The following MYO5B variants were observed in gnomAD, a reference collection of about 807,000 sequenced individuals.
The protein encoded by MYO5B is myosin VB, also known as unconventional myosin-Vb.
MYO5B carries 143 observed loss-of-function variants against 229.3 expected under a neutral mutation model. The ratio of observed to expected loss-of-function variants is 0.62; its 90% confidence interval spans 0.54 to 0.72. The LOEUF is 0.72. MYO5B is among the 30% of genes least tolerant of loss of function. MYO5B has a pLI of 0.00. For missense variants in MYO5B, 2,321 were observed against 2,331.0 expected (o/e 1.00, Z 0.09); for synonymous variants, 918 against 885.2 (o/e 1.04, Z -0.66).
chr18:50,132,268 C>A (rs892910696), intron 1 of MYO5B, among the ~76,000 whole-genome samples: 1 of 152,214 alleles, frequency 6.6e-6, no homozygotes, highest in Admixed American at 6.5e-5. Context: ...AGGAGCAGAG[C>A]ATAATGGTTA....
chr18:49,953,407 T>C, intron 13 of MYO5B, 64 bp from the exon 14 acceptor site: 1 of 1,403,286 alleles, frequency 7.1e-7, no homozygotes, highest in South Asian at 1.2e-5. Context: ...TCAACCACTT[T>C]CATCTCATCC....
At chr18:50,115,358 G>A (rs539888356) in intron 1 of MYO5B, among the ~76,000 whole-genome samples, 47 of 152,230 alleles carry the variant, frequency 3.1e-4, no homozygotes, top group African/African-American at 1.0e-3. Context: ...TCAATCTTAC[G>A]GCTAGACTTC....
At chr18:49,980,139 A>C (rs57494262) in intron 9 of MYO5B, among the ~76,000 whole-genome samples, 1 of 152,160 alleles carries the variant, frequency 6.6e-6, no homozygotes, top group African/African-American at 2.4e-5. Flanking sequence ...TGGCACTCAG[A>C]AAGTACTCAA....
intron 27 of MYO5B, among the ~76,000 whole-genome samples, chr18:49,870,764 T>A (rs776271512): frequency 3.1e-4 from 47 of 151,920 alleles, no homozygotes; most frequent in Non-Finnish European, 4.4e-4. Context: ...ATCAAAAAAA[T>A]AAATAAATAA....
At chr18:49,888,351 C>T (rs1023893873) in intron 22 of MYO5B, among the ~76,000 whole-genome samples, 2 of 152,108 alleles carry the variant, frequency 1.3e-5, no homozygotes, top group African/African-American at 4.8e-5. Flanking sequence ...TTGAGAATCA[C>T]TACAATAAGG....
At chr18:49,835,503 A>T in intron 38 of MYO5B, 79 bp from the exon 39 acceptor site, 1 of 896,960 alleles carries the variant, frequency 1.1e-6, no homozygotes. Context: ...AATATGTGAC[A>T]TTGGTACAAG....
intron 1 of MYO5B, among the ~76,000 whole-genome samples, chr18:50,114,382 C>A (rs1181451041): frequency 6.6e-6 from 1 of 152,158 alleles, no homozygotes; most frequent in East Asian, 1.9e-4. Flanking sequence ...CTTAAACTAA[C>A]TCTCAGCCTA....
chr18:49,886,777 G>A (rs962723794), intron 22 of MYO5B, among the ~76,000 whole-genome samples: 7 of 152,114 alleles, frequency 4.6e-5, no homozygotes, highest in African/African-American at 7.2e-5. Context: ...GAGTGACGAC[G>A]TTTTATCCGT....
intron 1 of MYO5B, among the ~76,000 whole-genome samples, chr18:50,116,488 T>C (rs1424201948): frequency 1.3e-5 from 2 of 152,134 alleles, no homozygotes; most frequent in Non-Finnish European, 2.9e-5. Context: ...ACTGGAATCA[T>C]TCCCCTCTGT....
intron 5 of MYO5B, among the ~76,000 whole-genome samples, chr18:50,000,345 A>C (rs1208990612): frequency 2.0e-5 from 3 of 152,150 alleles, no homozygotes; most frequent in Non-Finnish European, 4.4e-5. Flanking sequence ...GTGATGATAG[A>C]AGGGAACTGT....
At chr18:49,954,596 A>G (rs2025470715) in intron 12 of MYO5B, among the ~76,000 whole-genome samples, 161 bp from the exon 13 acceptor site, 1 of 152,166 alleles carries the variant, frequency 6.6e-6, no homozygotes, top group Non-Finnish European at 1.5e-5. Flanking sequence ...TCAACCATAC[A>G]TGTTCAGGAT....
intron 4 of MYO5B, among the ~76,000 whole-genome samples, chr18:50,032,201 GAT>G (rs2026397909): frequency 6.6e-6 from 1 of 152,090 alleles, no homozygotes; most frequent in Admixed American, 6.6e-5. Context: ...GCTTTATTAA[GAT>G]ATCATTCACA....
intron 17 of MYO5B, among the ~76,000 whole-genome samples, chr18:49,919,012 CT>C (rs2025047256): frequency 1.3e-5 from 2 of 152,328 alleles, no homozygotes; most frequent in African/African-American, 4.8e-5. Flanking sequence ...ATCTGGAGGA[CT>C]TGACCTGATT....
chr18:49,982,688 G>A (rs2025828570), intron 8 of MYO5B, among the ~76,000 whole-genome samples: 1 of 152,132 alleles, frequency 6.6e-6, no homozygotes, highest in African/African-American at 2.4e-5. Flanking sequence ...GTTACGTTCT[G>A]TCTATTGCTA....
At chr18:50,061,547 A>C (rs148929717) in intron 1 of MYO5B, among the ~76,000 whole-genome samples, 1 of 152,200 alleles carries the variant, frequency 6.6e-6, no homozygotes, top group African/African-American at 2.4e-5. Context: ...ACCTACTTCT[A>C]GCCTACTTCT....
intron 1 of MYO5B, among the ~76,000 whole-genome samples, chr18:50,074,696 GT>G (rs2031037821): frequency 6.6e-6 from 1 of 152,162 alleles, no homozygotes; most frequent in African/African-American, 2.4e-5. Context: ...AAACAGGTCT[GT>G]TAATCACTTT....
chr18:49,894,738 A>T (rs1320417290), intron 22 of MYO5B, among the ~76,000 whole-genome samples: 1 of 152,248 alleles, frequency 6.6e-6, no homozygotes, highest in Non-Finnish European at 1.5e-5. Flanking sequence ...GTGTCCAGCT[A>T]ACAGCAGAAG....
In MYO5B at chr18:49,904,797, C is replaced by A; in HGVS notation, c.2446G>T (p.Ala816Ser). 6.2e-7 allele frequency: 1 copy of A among 1,613,980 alleles called. No individual in the cohort carries two copies. Among genetic ancestry groups the A allele is most frequent in the Non-Finnish European group, 8.5e-7 (1 of 1,180,022 alleles). ...LAEHLRRIRA[A>S]VVLQKHYRMQ... Reference sequence around the variant, plus strand: ...CGGTAATGTTTCTGGAGCACCACAGCCGCTCTGATCCTCCGCAGGTGCTCA... The same window carrying A: ...CGGTAATGTTTCTGGAGCACCACAGACGCTCTGATCCTCCGCAGGTGCTCA... The change falls in exon 20 of 40, where the codon GCT becomes TCT. Residue 816 changes from alanine to serine, a missense_variant. Around this residue, in one of 2 missense-constraint regions of MYO5B, gnomAD observed 2,113 missense variants for 2,044.7 expected, o/e 1.03. Coordinates refer to ENST00000285039, the MANE Select transcript of MYO5B (RefSeq NM_001080467.3).
chr18:50,172,581 C>A (rs1167216550), intron 1 of MYO5B, among the ~76,000 whole-genome samples: 3 of 152,202 alleles, frequency 2.0e-5, no homozygotes, highest in Admixed American at 2.0e-4. Context: ...GACAAGTCTG[C>A]CAAATGCAGC....
Sources: gnomAD v4.1 joint callset for allele counts (sites outside exome capture counted in the v4.1 genomes callset) on GRCh38, gnomAD v4.1.1 for gene constraint, gnomAD v4.1.1 regional missense constraint, MANE v1.5 for transcripts, NCBI Gene and HGNC (gene_info 2026-07-23, HGNC 2026-07-21) for gene names.